Variants in WIPF3 observed in about 807,000 individuals in gnomAD.
The protein encoded by WIPF3 is WAS/WASL-interacting protein family member 3.
In WIPF3, 33 loss-of-function variants were observed where a neutral mutation model predicts 38.9. That is an observed-to-expected ratio of 0.85 (90% CI 0.64 to 1.14). WIPF3 has a LOEUF of 1.14. Ranked by LOEUF, WIPF3 falls within the 50% of genes most tolerant of loss-of-function variation. The pLI is 0.00. For missense variants in WIPF3, 711 were observed against 652.5 expected (o/e 1.09, Z -0.98); for synonymous variants, 324 against 269.3 (o/e 1.20, Z -1.99).
intron 5 of WIPF3, 143 bp from the exon 6 acceptor site, chr7:29,887,925 A>T: frequency 1.0e-6 from 1 of 967,466 alleles, no homozygotes; most frequent in Non-Finnish European, 1.5e-6. Flanking sequence ...ATTCAGTGCC[A>T]AGCAGGTTGA....
Position 29,914,767 on chromosome 7 carries a change from A to T in WIPF3, c.*251A>T, listed in dbSNP as rs1786574460. On this transcript the variant is annotated 3_prime_UTR_variant, in exon 9 of 9. Transcript: ENST00000242140. ...CATCTTGGCATTTGTCAGCACAGAT[A>T]GAGCCCTGTCCCTCCACCTAGTGCC... 3.3e-6 allele frequency: 1 copy of T among 302,722 alleles called. No homozygotes were observed. Among genetic ancestry groups the T allele is most frequent in the East Asian group, 5.7e-5 (1 of 17,562 alleles). 18.8% of individuals were successfully genotyped at this position (302,722 alleles called of 1,614,324 possible). A position where few individuals can be genotyped will look rare whatever the true frequency, so the allele number is the denominator to read the frequency against.
intron 8 of WIPF3, 143 bp downstream of exon 8, chr7:29,904,505 T>C: frequency 7.9e-6 from 6 of 755,778 alleles, no homozygotes; most frequent in Admixed American, 2.7e-5. Context: ...TTGGTGGACC[T>C]TTTTTCAAGC....
At chr7:29,839,402 TCACC>T (rs1784879776) in intron 2 of WIPF3, among the ~76,000 whole-genome samples, 1 of 152,210 alleles carries the variant, frequency 6.6e-6, no homozygotes, top group Admixed American at 6.5e-5. Flanking sequence ...GTCAGAAGTA[TCACC>T]CACAGATGCT....
At chr7:29,853,007 G>T (rs1212081205) in intron 2 of WIPF3, among the ~76,000 whole-genome samples, 1 of 152,166 alleles carries the variant, frequency 6.6e-6, no homozygotes, top group African/African-American at 2.4e-5. Context: ...CTAATTTTGG[G>T]CTCCCCTAAA....
rs139120016 is a variant in WIPF3, at chr7:29,832,539, C to T, written c.-57-2129C>T. Among the ~76,000 whole-genome samples the T allele has an allele frequency of 2.3e-4, 35 of 152,252 alleles. No individual in the cohort carries two copies. In the East Asian group the frequency reaches 3.3e-3, roughly 14 times the overall value. On this transcript the variant is annotated intron_variant, in intron 1 of 8. Coordinates refer to ENST00000242140, the MANE Select transcript of WIPF3 (RefSeq NM_001080529.3). ...GGACTCTGATGAGTATTTTCCTTTT[C>T]GGTCTTTCTGTTCTTGTTTTAATAT...
At position 29,883,995 on chromosome 7, in the gene WIPF3, T is replaced by TCGCCCCAACGTGCCTGCCCCGCCC; in HGVS notation, c.503_526dup (p.Arg168_Pro175dup). The TCGCCCCAACGTGCCTGCCCCGCCC allele has an allele frequency of 6.6e-7, 1 of 1,523,042 alleles. No homozygotes were observed. The highest frequency in any genetic ancestry group is 8.8e-7 in the Non-Finnish European group (1 of 1,134,554). The allele number at this position is 1,523,042 out of a possible 1,614,324, so 94.3% of individuals were successfully genotyped here. On this transcript the variant is annotated inframe_insertion, in exon 5 of 9. Coordinates refer to ENST00000242140, the MANE Select transcript of WIPF3 (RefSeq NM_001080529.3). Reference sequence around the variant, plus strand: ...ATGGCGCTGCCAGGACAGCCCCGCCTCGCCCCAACGTGCCTGCCCCGCCCC... The same window carrying TCGCCCCAACGTGCCTGCCCCGCCC: ...ATGGCGCTGCCAGGACAGCCCCGCCTCGCCCCAACGTGCCTGCCCCGCCCCGCCCCAACGTGCCTGCCCCGCCCC...
intron 3 of WIPF3, among the ~76,000 whole-genome samples, chr7:29,876,267 TAA>T (rs1310705070): frequency 1.3e-5 from 2 of 152,270 alleles, no homozygotes; most frequent in Non-Finnish European, 2.9e-5. Flanking sequence ...TTAACCATTT[TAA>T]AGTGTTCAAT....
At chr7:29,829,800 AAGTG>A (rs1255189702) in intron 1 of WIPF3, among the ~76,000 whole-genome samples, 7 of 152,172 alleles carry the variant, frequency 4.6e-5, no homozygotes, top group Non-Finnish European at 1.0e-4. Flanking sequence ...CCTCGCGTGG[AAGTG>A]AGTGTTAGTT....
At chr7:29,867,686 T>C (rs1309316348) in intron 2 of WIPF3, among the ~76,000 whole-genome samples, 1 of 151,514 alleles carries the variant, frequency 6.6e-6, no homozygotes, top group East Asian at 1.9e-4. Context: ...AATATTGGCA[T>C]CATTGTAAAG....
rs139695639 is a variant in WIPF3 at position 29,909,952 on chromosome 7, G to A, written c.1429-4541G>A. 4.7e-4 allele frequency among the ~76,000 whole-genome samples: 72 copies of A among 152,144 alleles called. 1 individual carries two copies. In the East Asian group the frequency reaches 9.1e-3, roughly 19 times the overall value. On this transcript the variant is annotated intron_variant, in intron 8 of 8. Coordinates refer to ENST00000242140, the MANE Select transcript of WIPF3 (RefSeq NM_001080529.3). ...GAAGGATGGTTACAAACTAGCGGGG[G>A]AGTGGAGTTGGGGATGGTTAATTGG...
intron 2 of WIPF3, among the ~76,000 whole-genome samples, chr7:29,850,498 AGCTGGAGGAGC>A: frequency 6.6e-6 from 1 of 152,224 alleles, no homozygotes; most frequent in Admixed American, 6.5e-5. Flanking sequence ...GCCTCTCCCG[AGCTGGAGGAGC>A]ACAGCAGGTC....
At chr7:29,809,878 C>T (rs1393824542) in intron 1 of WIPF3, among the ~76,000 whole-genome samples, 1 of 152,072 alleles carries the variant, frequency 6.6e-6, no homozygotes, top group African/African-American at 2.4e-5. Context: ...AAGGAATGTT[C>T]ATCCTATGTG....
At position 29,832,741 on chromosome 7, in the gene WIPF3, C is replaced by T. The variant is rs545030823; in HGVS notation, c.-57-1927C>T. 1.1e-3 allele frequency among the ~76,000 whole-genome samples: 162 copies of T among 152,264 alleles called. 1 individual carries two copies. The highest frequency in any genetic ancestry group is 8.3e-3 in the South Asian group (40 of 4,820). ...AAGTTGCACTGACACACATATTTTA[C>T]GCCATTTTCAATTTTTGTACAAATT... On this transcript the variant is annotated intron_variant, in intron 1 of 8. Coordinates refer to ENST00000242140, the MANE Select transcript of WIPF3 (RefSeq NM_001080529.3).
intron 1 of WIPF3, among the ~76,000 whole-genome samples, chr7:29,822,783 CT>C (rs1562770628): frequency 6.6e-6 from 1 of 152,144 alleles, no homozygotes; most frequent in African/African-American, 2.4e-5. Context: ...AGAAAATTTT[CT>C]TTTTCTTTGT....
chr7:29,871,410 G>T (rs762592978), intron 2 of WIPF3, among the ~76,000 whole-genome samples: 1 of 152,152 alleles, frequency 6.6e-6, no homozygotes, highest in South Asian at 2.1e-4. Context: ...ACTAATTTTC[G>T]GTTCAATGGC....
At position 29,884,510 on chromosome 7, in the gene WIPF3, A is replaced by C; in HGVS notation, c.1016A>C (p.Lys339Thr). The C allele has an allele frequency of 6.3e-7, 1 of 1,577,818 alleles. No individual in the cohort carries two copies. The highest frequency in any genetic ancestry group is 8.6e-7 in the Non-Finnish European group (1 of 1,163,490). ...KSPSFQAPPQ[K>T]AGAQALPAPP... is the part of the protein sequence containing the mutation. ...CCCAGCTTCCAGGCCCCACCGCAGAAGGCCGGTGCGCAGGCCTTGCCCGCC... is the reference window on the plus strand; with the variant it reads ...CCCAGCTTCCAGGCCCCACCGCAGACGGCCGGTGCGCAGGCCTTGCCCGCC... Residue 339 changes from lysine to threonine, a missense_variant, in exon 5 of 9, where the codon AAG (lysine) becomes ACG (threonine). Coordinates refer to ENST00000242140, the MANE Select transcript of WIPF3 (RefSeq NM_001080529.3).
intron 1 of WIPF3, among the ~76,000 whole-genome samples, chr7:29,814,662 G>C (rs1437603634): frequency 6.6e-6 from 1 of 152,216 alleles, no homozygotes; most frequent in Non-Finnish European, 1.5e-5. Flanking sequence ...TTCCTCATCT[G>C]TGAAATGGGG....
intron 5 of WIPF3, among the ~76,000 whole-genome samples, chr7:29,886,841 T>C (rs1785893073): frequency 6.6e-6 from 1 of 152,226 alleles, no homozygotes; most frequent in African/African-American, 2.4e-5. Context: ...ATGAGAAATC[T>C]GCATAAAGGG....
At chr7:29,902,961 T>G (rs181853021) in intron 7 of WIPF3, among the ~76,000 whole-genome samples, 1 of 152,346 alleles carries the variant, frequency 6.6e-6, no homozygotes, top group African/African-American at 2.4e-5. Flanking sequence ...ATCATTCTAT[T>G]TATACAAATT....
Sources: gnomAD v4.1 joint callset for allele counts (sites outside exome capture counted in the v4.1 genomes callset) on GRCh38, gnomAD v4.1.1 for gene constraint, MANE v1.5 for transcripts, NCBI Gene and HGNC (gene_info 2026-07-23, HGNC 2026-07-21) for gene names.